The following HECW2 variants were observed in gnomAD, a reference collection of about 807,000 sequenced individuals.
The protein encoded by HECW2 is HECT, C2 and WW domain containing E3 ubiquitin protein ligase 2, also known as E3 ubiquitin-protein ligase HECW2.
HECW2 carries 61 observed loss-of-function variants against 175.2 expected under a neutral mutation model. That is an observed-to-expected ratio of 0.35 (90% confidence interval 0.28 to 0.43). The LOEUF (loss-of-function observed/expected upper bound fraction) is 0.43, where lower values mean the gene tolerates loss of function less well. Among genes scored for constraint, HECW2 ranks in the 20% least tolerant of loss-of-function variants. HECW2 has a pLI of 1.00. For synonymous variants in HECW2, 671 were observed against 731.0 expected, an observed-to-expected ratio of 0.92 and a Z score of 1.32; for missense variants, 1,524 against 2,000.5, an observed-to-expected ratio of 0.76 and a Z score of 4.54.
rs545518445 is a variant in HECW2, at chr2:196,332,680, C to A, written c.495+1744G>T. Among the ~76,000 whole-genome samples, 6 of 152,290 alleles carry A rather than the reference C, an allele frequency of 3.9e-5. No individual in the cohort carries two copies. In the South Asian group the frequency reaches 1.2e-3, roughly 32 times the overall value. ...TGAAATTGCTCAAGTCTAAAAAAAT[C>A]TAAATCCAGAAAATGCTTAAAAATG... is the stretch of plus-strand genomic sequence containing the variant. On this transcript the variant is annotated intron_variant, in intron 4 of 28. Transcript: ENST00000644978.
chr2:196,379,224 T>C lies in HECW2; in HGVS notation c.293-35460A>G, dbSNP rs536307681. Among the ~76,000 whole-genome samples, 13 of 152,316 alleles carry C rather than the reference T, an allele frequency of 8.5e-5. 1 individual carries two copies. The South Asian group carries it at 2.5e-3, about 29-fold the overall frequency. ...CACTCTAAATAAGTCTATTTTTATT[T>C]ACAGTTCAAAAACAGGCAAAACTAA... On this transcript the variant is annotated intron_variant, in intron 2 of 28. Coordinates refer to ENST00000644978, the MANE Select transcript of HECW2 (RefSeq NM_001348768.2).
intron 1 of HECW2, among the ~76,000 whole-genome samples, chr2:196,476,605 TCA>T: frequency 6.6e-6 from 1 of 152,218 alleles, no homozygotes; most frequent in East Asian, 1.9e-4. Flanking sequence ...TTGAAAAAGT[TCA>T]GTTAATAACT....
chr2:196,582,203 T>C lies in HECW2; in HGVS notation c.-36+11305A>G, dbSNP rs534512330. Among the ~76,000 whole-genome samples, 16 of 152,302 alleles carry C rather than the reference T, an allele frequency of 1.1e-4. No individual in the cohort carries two copies. In the South Asian group the frequency reaches 1.2e-3, roughly 12 times the overall value. ...TGGTTTTCACTCTCAAAATATGTAA[T>C]TTTACCACAACAAACTTCAATTGAA... On this transcript the variant is annotated intron_variant, in intron 1 of 28. Transcript: ENST00000644978.
At chr2:196,261,926 G>C (rs1286575980) in intron 17 of HECW2, among the ~76,000 whole-genome samples, 2 of 152,138 alleles carry the variant, frequency 1.3e-5, no homozygotes, top group Non-Finnish European at 2.9e-5. Flanking sequence ...CCCAGCGTTT[G>C]GAATAACATA....
chr2:196,203,638 A>ATTTC (rs1686952724), intron 28 of HECW2, among the ~76,000 whole-genome samples: 1 of 152,016 alleles, frequency 6.6e-6, no homozygotes, highest in African/African-American at 2.4e-5. Context: ...TGCTTTTTAC[A>ATTTC]TTTCCTGTTT....
At chr2:196,438,671 C>G (rs2125284558) in intron 1 of HECW2, among the ~76,000 whole-genome samples, 1 of 152,310 alleles carries the variant, frequency 6.6e-6, no homozygotes, top group South Asian at 2.1e-4. Flanking sequence ...ATTCCTTAAT[C>G]TTTCCAAGAG....
chr2:196,354,903 G>C (rs137999706), intron 2 of HECW2, among the ~76,000 whole-genome samples: 2 of 152,280 alleles, frequency 1.3e-5, no homozygotes, highest in East Asian at 1.9e-4. Flanking sequence ...AACCAGTTTC[G>C]AGTAAGGCCT....
chr2:196,371,327 C>T (rs1693904907), intron 2 of HECW2, among the ~76,000 whole-genome samples: 1 of 152,128 alleles, frequency 6.6e-6, no homozygotes, highest in Non-Finnish European at 1.5e-5. Flanking sequence ...GTGTCCCCTA[C>T]CTTAACAGCT....
chr2:196,379,495 C>T (rs916963043), intron 2 of HECW2, among the ~76,000 whole-genome samples: 3 of 151,966 alleles, frequency 2.0e-5, no homozygotes, highest in Non-Finnish European at 4.4e-5. Flanking sequence ...ACCATCCTGG[C>T]TAACATGGTG....
chr2:196,298,470 C>T (rs955110698), intron 13 of HECW2, among the ~76,000 whole-genome samples: 8 of 152,098 alleles, frequency 5.3e-5, no homozygotes, highest in African/African-American at 1.9e-4. Context: ...TACAACTACA[C>T]GTAATCTATT....
intron 26 of HECW2, among the ~76,000 whole-genome samples, chr2:196,218,651 A>G (rs573432039): frequency 6.6e-6 from 1 of 152,094 alleles, no homozygotes; most frequent in African/African-American, 2.4e-5. Flanking sequence ...CATCTCTACT[A>G]AAAATACAAA....
intron 19 of HECW2, among the ~76,000 whole-genome samples, chr2:196,252,198 A>ATAATAATAATAAT (rs1258771627): frequency 1.7e-4 from 24 of 141,254 alleles, no homozygotes; most frequent in Admixed American, 3.6e-4. Flanking sequence ...AATAATAATA[A>ATAATAATAATAAT]TAATAATAAT....
chr2:196,435,651 T>C (rs1695846906), intron 1 of HECW2, among the ~76,000 whole-genome samples: 2 of 152,176 alleles, frequency 1.3e-5, no homozygotes, highest in Non-Finnish European at 2.9e-5. Flanking sequence ...GAGAGACAGG[T>C]TAGCACAGCA....
chr2:196,451,522 C>A (rs1344938345), intron 1 of HECW2, among the ~76,000 whole-genome samples: 1 of 152,006 alleles, frequency 6.6e-6, no homozygotes, highest in East Asian at 1.9e-4. Flanking sequence ...TAGAAACAGG[C>A]CATTAATTTA....
intron 1 of HECW2, among the ~76,000 whole-genome samples, chr2:196,553,936 TCTCA>T (rs1689693278): frequency 6.6e-6 from 1 of 152,190 alleles, no homozygotes; most frequent in African/African-American, 2.4e-5. Flanking sequence ...AAACTTGACA[TCTCA>T]CTCAAACAAA....
chr2:196,331,939 G>A (rs1015253986), intron 4 of HECW2, among the ~76,000 whole-genome samples: 4 of 152,124 alleles, frequency 2.6e-5, no homozygotes, highest in South Asian at 4.1e-4. Flanking sequence ...AAATAAGAAC[G>A]TCAACCAAGT....
At chr2:196,419,752 A>T (rs1695358600) in intron 2 of HECW2, among the ~76,000 whole-genome samples, 1 of 152,200 alleles carries the variant, frequency 6.6e-6, no homozygotes, top group Non-Finnish European at 1.5e-5. Context: ...ACAATTACAA[A>T]TGTTATCTTG....
Position 196,276,890 on chromosome 2 carries a change from C to T in HECW2, c.3135+1638G>A, listed in dbSNP as rs536190163. On this transcript the variant is annotated intron_variant, in intron 15 of 28. Coordinates refer to ENST00000644978, the MANE Select transcript of HECW2 (RefSeq NM_001348768.2). ...TTCCAAGAGTAGAATTTTGATGAAT[C>T]AGATCCAGTTATTTATTGTATTCAT... is the stretch of plus-strand genomic sequence containing the variant. Among the ~76,000 whole-genome samples, 5 of 152,258 alleles carry T rather than the reference C, an allele frequency of 3.3e-5. No homozygotes were observed. The East Asian group carries it at 9.6e-4, about 29-fold the overall frequency.
At chr2:196,402,803 ATTTTTT>A (rs369586280) in intron 2 of HECW2, among the ~76,000 whole-genome samples, 1 of 123,622 alleles carries the variant, frequency 8.1e-6, no homozygotes. Context: ...TGCCTTGGGA[ATTTTTT>A]TTTTTTTTTT....
Sources: allele counts gnomAD v4.1 joint callset (sites outside exome capture counted in the v4.1 genomes callset), GRCh38; gene constraint gnomAD v4.1.1; transcripts MANE v1.5; gene names NCBI Gene and HGNC (gene_info 2026-07-23, HGNC 2026-07-21).